Variants in TTLL11 observed in about 807,000 individuals in gnomAD.
TTLL11 encodes the protein tubulin polyglutamylase TTLL11.
Under a neutral mutation model 51.7 loss-of-function variants are expected in TTLL11, and 42 were observed. That is an observed-to-expected ratio of 0.81 (90% CI 0.64 to 1.05). The LOEUF (loss-of-function observed/expected upper bound fraction) is 1.05, where lower values mean the gene tolerates loss of function less well. Ranked by LOEUF, TTLL11 falls within the 50% of genes least tolerant of loss-of-function variation. TTLL11 has a pLI of 0.00. For synonymous variants in TTLL11, 381 were observed against 383.5 expected (o/e 0.99, Z 0.08); for missense variants, 799 against 940.4 (o/e 0.85, Z 1.97).
intron 7 of TTLL11, among the ~76,000 whole-genome samples, chr9:121,868,896 A>G (rs1265375562): frequency 6.6e-6 from 1 of 152,208 alleles, no homozygotes; most frequent in Admixed American, 6.5e-5. Flanking sequence ...CTGAAAAAGC[A>G]GCTCCCATGA....
chr9:121,863,867 C>T (rs1564278456), intron 7 of TTLL11, among the ~76,000 whole-genome samples: 1 of 152,202 alleles, frequency 6.6e-6, no homozygotes, highest in Admixed American at 6.5e-5. Context: ...CACATCTAGT[C>T]CATCCTTGGA....
At chr9:121,992,454 G>A (rs1309730120) in intron 3 of TTLL11, among the ~76,000 whole-genome samples, 1 of 152,160 alleles carries the variant, frequency 6.6e-6, no homozygotes, top group Non-Finnish European at 1.5e-5. Context: ...TGATTTAATC[G>A]ATCTGAGATG....
Position 121,893,318 on chromosome 9 carries a change from G to A in TTLL11, c.1482-22570C>T, listed in dbSNP as rs1367313812. ...GTTTTATTTCCAGAATTTCTTCTCT[G>A]TCTGTCTCTCTAGCCTTCTCCATGC... On this transcript the variant is annotated intron_variant, in intron 6 of 8. Coordinates refer to ENST00000321582, the MANE Select transcript of TTLL11 (RefSeq NM_001139442.2). Among the ~76,000 whole-genome samples, 3 of 150,500 alleles carry A rather than the reference G, an allele frequency of 2.0e-5. No individual in the cohort carries two copies. In the South Asian group the frequency reaches 6.4e-4, roughly 32 times the overall value.
At chr9:122,045,532 T>C (rs1844978720) in intron 1 of TTLL11, among the ~76,000 whole-genome samples, 3 of 152,018 alleles carry the variant, frequency 2.0e-5, no homozygotes, top group Non-Finnish European at 2.9e-5. Context: ...GCCTGGGCGA[T>C]AGAGTGAGAC....
At chr9:121,873,482 T>C (rs2131401971) in intron 6 of TTLL11, among the ~76,000 whole-genome samples, 1 of 151,810 alleles carries the variant, frequency 6.6e-6, no homozygotes, top group East Asian at 1.9e-4. Flanking sequence ...GCTAATTTTT[T>C]TATATTTTTA....
intron 1 of TTLL11, among the ~76,000 whole-genome samples, chr9:122,059,479 G>A (rs143186928): frequency 5.3e-4 from 80 of 152,258 alleles, no homozygotes; most frequent in African/African-American, 1.9e-3. Context: ...ATAAGTGGCA[G>A]AGCCAGGAAC....
intron 3 of TTLL11, among the ~76,000 whole-genome samples, chr9:122,020,183 T>C (rs536807264): frequency 6.6e-6 from 1 of 152,388 alleles, no homozygotes; most frequent in South Asian, 2.1e-4. Flanking sequence ...TGCCATACTA[T>C]TTCATGACTT....
chr9:122,080,856 T>C (rs569700016), intron 1 of TTLL11, among the ~76,000 whole-genome samples: 2 of 151,572 alleles, frequency 1.3e-5, no homozygotes, highest in East Asian at 3.9e-4. Flanking sequence ...TAAAATGACA[T>C]TAACAAAAAG....
intron 6 of TTLL11, among the ~76,000 whole-genome samples, chr9:121,943,613 A>C (rs1841568358): frequency 6.6e-6 from 1 of 152,228 alleles, no homozygotes; most frequent in African/African-American, 2.4e-5. Context: ...TTACACCTGC[A>C]GGTGTCTAGA....
chr9:122,006,138 G>C (rs569706223), intron 3 of TTLL11, among the ~76,000 whole-genome samples: 6 of 152,032 alleles, frequency 3.9e-5, no homozygotes, highest in African/African-American at 1.4e-4. Flanking sequence ...TCAGGAGTTC[G>C]AGACCAGCCT....
intron 2 of TTLL11, among the ~76,000 whole-genome samples, chr9:122,034,170 C>T (rs998014223): frequency 4.6e-5 from 7 of 152,150 alleles, no homozygotes; most frequent in African/African-American, 9.7e-5. Flanking sequence ...GTCGTTGTGC[C>T]GGGGGAATGT....
intron 6 of TTLL11, among the ~76,000 whole-genome samples, chr9:121,970,745 T>C (rs1172845085): frequency 2.6e-5 from 4 of 152,184 alleles, no homozygotes; most frequent in Non-Finnish European, 5.9e-5. Flanking sequence ...TTTTACACTG[T>C]TGGTGGGAGT....
chr9:122,029,463 C>A (rs528043617), intron 3 of TTLL11, among the ~76,000 whole-genome samples: 48 of 151,712 alleles, frequency 3.2e-4, no homozygotes, highest in Non-Finnish European at 4.0e-4. Context: ...TAGGCCTAGG[C>A]GAAGGTATGT....
chr9:121,917,298 T>C (rs1049449183), intron 6 of TTLL11, among the ~76,000 whole-genome samples: 10 of 149,254 alleles, frequency 6.7e-5, no homozygotes, highest in African/African-American at 2.5e-4. Flanking sequence ...CAAGATCTTA[T>C]CTCTATAAAA....
chr9:121,859,043 T>A (rs1837917850), intron 8 of TTLL11, among the ~76,000 whole-genome samples: 1 of 152,200 alleles, frequency 6.6e-6, no homozygotes, highest in Non-Finnish European at 1.5e-5. Context: ...CTGTGTCACC[T>A]GAGCTGCAGT....
At chr9:122,066,535 G>A (rs947449878) in intron 1 of TTLL11, among the ~76,000 whole-genome samples, 1 of 152,142 alleles carries the variant, frequency 6.6e-6, no homozygotes, top group African/African-American at 2.4e-5. Context: ...GAGAATTGCT[G>A]GATCCATGAC....
Position 121,820,953 on chromosome 9 carries a change from G to A in TTLL11, c.*1634C>T, listed in dbSNP as rs1183531977. On this transcript the variant is annotated 3_prime_UTR_variant, in exon 9 of 9. Coordinates refer to ENST00000321582, the MANE Select transcript of TTLL11 (RefSeq NM_001139442.2). ...CTGCTAGCAGCAGGGAAGGGGTGCTGCGCGGCAGCCACACCGTGGGGGAAA... is the reference window on the plus strand; with the variant it reads ...CTGCTAGCAGCAGGGAAGGGGTGCTACGCGGCAGCCACACCGTGGGGGAAA... Among the ~76,000 whole-genome samples the A allele has an allele frequency of 7.3e-5, 2 of 27,478 alleles. No individual in the cohort carries two copies. Among genetic ancestry groups the A allele is most frequent in the East Asian group, 3.3e-3 (1 of 306 alleles). 18.0% of individuals were successfully genotyped at this position (27,478 alleles called of 152,430 possible).
At chr9:122,057,994 A>C (rs535735808) in intron 1 of TTLL11, among the ~76,000 whole-genome samples, 1 of 152,352 alleles carries the variant, frequency 6.6e-6, no homozygotes, top group East Asian at 1.9e-4. Context: ...ATGATAATGC[A>C]AATTCACCCA....
rs1278656167 is a variant in TTLL11, at chr9:121,818,044, T to C, written c.*4543A>G. The C allele has an allele frequency of 6.6e-6, 1 of 152,310 alleles. No individual in the cohort carries two copies. 9.4% of individuals were successfully genotyped at this position (152,310 alleles called of 1,614,324 possible). On this transcript the variant is annotated 3_prime_UTR_variant, in exon 9 of 9. Coordinates refer to ENST00000321582, the MANE Select transcript of TTLL11 (RefSeq NM_001139442.2). ...CACTCCATTCCCCTGACTACCTACATGCACATCCGGAGGACCTGCTGGGAA... is the reference window on the plus strand; with the variant it reads ...CACTCCATTCCCCTGACTACCTACACGCACATCCGGAGGACCTGCTGGGAA...
Sources: allele counts gnomAD v4.1 joint callset (sites outside exome capture counted in the v4.1 genomes callset), GRCh38; gene constraint gnomAD v4.1.1; transcripts MANE v1.5; gene names NCBI Gene and HGNC (gene_info 2026-07-23, HGNC 2026-07-21).